Variants in CDC73 observed in about 807,000 individuals in gnomAD.
CDC73 encodes the protein cell division cycle 73.
CDC73 carries 21 observed loss-of-function variants against 83.7 expected under a neutral mutation model. The observed-to-expected ratio is 0.25, with a 90% confidence interval of 0.18 to 0.36. The LOEUF is 0.36. CDC73 is among the 10% of genes least tolerant of loss of function. The probability of loss-of-function intolerance (pLI) is 1.00; values close to 1 mark genes in which losing one functional copy is unlikely to be tolerated. For missense variants in CDC73, 342 were observed against 653.3 expected, an observed-to-expected ratio of 0.52 and a Z score of 5.19; for synonymous variants, 224 against 212.9, an observed-to-expected ratio of 1.05 and a Z score of -0.45.
chr1:193,173,760 A>G (rs986005835), intron 10 of CDC73, among the ~76,000 whole-genome samples: 3 of 152,142 alleles, frequency 2.0e-5, no homozygotes, highest in Non-Finnish European at 2.9e-5. Flanking sequence ...GATAAAACCA[A>G]TTGTATTTAA....
chr1:193,162,326 C>T lies in CDC73; in HGVS notation c.972+9882C>T, dbSNP rs542802847. Among the ~76,000 whole-genome samples the T allele has an allele frequency of 2.3e-5, 3 of 129,402 alleles. 1 individual carries two copies. The highest frequency in any genetic ancestry group is 4.6e-4 in the South Asian group (2 of 4,328). The allele number at this position is 129,402 out of a possible 152,430, so 84.9% of individuals were successfully genotyped here. Reference sequence around the variant, plus strand: ...TACTATATATTATATATCATATATACTATATACTATATATTATATATACAT... The same window carrying T: ...TACTATATATTATATATCATATATATTATATACTATATATTATATATACAT... On this transcript the variant is annotated intron_variant, in intron 10 of 16. Coordinates refer to ENST00000367435, the MANE Select transcript of CDC73 (RefSeq NM_024529.5).
chr1:193,208,141 T>C (rs2103181869), intron 11 of CDC73, among the ~76,000 whole-genome samples: 1 of 152,340 alleles, frequency 6.6e-6, no homozygotes, highest in South Asian at 2.1e-4. Flanking sequence ...ACTTGGAAGT[T>C]ATTCTTTATT....
At position 193,251,286 on chromosome 1, in the gene CDC73, T is replaced by G. The variant is rs2102075109; in HGVS notation, c.*574T>G. ...TTGAACTGTTCAGCCTTTTCAAGAT[T>G]TCTTTATTTACAAATGATTACATTT... On this transcript the variant is annotated 3_prime_UTR_variant, in exon 17 of 17. Coordinates refer to ENST00000367435, the MANE Select transcript of CDC73 (RefSeq NM_024529.5). 1 of 232,036 alleles carries G rather than the reference T, an allele frequency of 4.3e-6. No homozygotes were observed. The highest frequency in any genetic ancestry group is 8.5e-6 in the Non-Finnish European group (1 of 116,988). 14.4% of individuals were successfully genotyped at this position (232,036 alleles called of 1,614,324 possible).
intron 10 of CDC73, among the ~76,000 whole-genome samples, chr1:193,162,662 C>T (rs1043863191): frequency 5.3e-5 from 8 of 152,116 alleles, no homozygotes; most frequent in African/African-American, 1.9e-4. Context: ...AGCCACCACA[C>T]CCCGCCAGTT....
Position 193,135,581 on chromosome 1 carries a change from C to T in CDC73, c.415C>T (p.Arg139Ter), listed in dbSNP as rs2103121721. Reference sequence around the variant, plus strand: ...AGTTTTAGCAGAAGCAAAGAAACCACGAATTGAGGTAAAGAAACTGTATTT... The same window carrying T: ...AGTTTTAGCAGAAGCAAAGAAACCATGAATTGAGGTAAAGAAACTGTATTT... ...DEVLAEAKKP[R>*]IEDEECVRLD... The change falls in exon 5 of 17, where the codon CGA (arginine) becomes TGA (stop). Residue 139 changes from arginine (R) to a stop codon, truncating the protein, a stop_gained. Coordinates refer to ENST00000367435, the MANE Select transcript of CDC73 (RefSeq NM_024529.5). LOFTEE classifies it high-confidence loss of function. 1.2e-6 allele frequency: 2 copies of T among 1,608,888 alleles called. No individual in the cohort carries two copies. Among genetic ancestry groups the T allele is most frequent in the Non-Finnish European group, 1.7e-6 (2 of 1,175,548 alleles).
chr1:193,192,278 A>C (rs1253189114), intron 10 of CDC73, among the ~76,000 whole-genome samples: 1 of 152,150 alleles, frequency 6.6e-6, no homozygotes. Context: ...CCCCATCTCT[A>C]CTAAAAATAC....
At chr1:193,142,900 C>CT (rs1252329291) in intron 7 of CDC73, among the ~76,000 whole-genome samples, 2 of 152,096 alleles carry the variant, frequency 1.3e-5, no homozygotes, top group Admixed American at 6.5e-5. Context: ...GATTTATGTA[C>CT]TTTCATTTGT....
chr1:193,123,167 T>G (rs908486896), intron 1 of CDC73, among the ~76,000 whole-genome samples: 1 of 152,196 alleles, frequency 6.6e-6, no homozygotes, highest in Non-Finnish European at 1.5e-5. Flanking sequence ...TTTTGTTTCT[T>G]TGAATGGAAG....
intron 5 of CDC73, among the ~76,000 whole-genome samples, chr1:193,136,276 T>C (rs1223149440): frequency 6.6e-6 from 1 of 152,138 alleles, no homozygotes; most frequent in African/African-American, 2.4e-5. Flanking sequence ...GAATTGGTCT[T>C]TGGGATGTAG....
At chr1:193,167,597 T>G (rs550931712) in intron 10 of CDC73, among the ~76,000 whole-genome samples, 1 of 152,262 alleles carries the variant, frequency 6.6e-6, no homozygotes, top group Non-Finnish European at 1.5e-5. Context: ...TAACCATAGA[T>G]TAACCATTTT....
chr1:193,181,743 T>C (rs10494675), intron 10 of CDC73: 23,173 of 559,820 alleles, frequency 0.041, 523 homozygotes, highest in African/African-American at 0.058. Flanking sequence ...GGTACTAATA[T>C]GATCAGGGCA....
At chr1:193,249,209 A>G (rs1253386660) in intron 15 of CDC73, among the ~76,000 whole-genome samples, 1 of 151,998 alleles carries the variant, frequency 6.6e-6, no homozygotes, top group East Asian at 1.9e-4. Context: ...TACACCAGCA[A>G]AAAAAATTAG....
In CDC73 at chr1:193,251,489, A is replaced by G. The variant is rs1460149421; in HGVS notation, c.*777A>G. 1 of 232,026 alleles carries G rather than the reference A, an allele frequency of 4.3e-6. No homozygotes were observed. Among genetic ancestry groups the G allele is most frequent in the East Asian group, 6.1e-5 (1 of 16,382 alleles). The allele number at this position is 232,026 out of a possible 1,614,324, so 14.4% of individuals were successfully genotyped here. A position where few individuals can be genotyped will look rare whatever the true frequency, so the allele number is the denominator to read the frequency against. On this transcript the variant is annotated 3_prime_UTR_variant, in exon 17 of 17. Coordinates refer to ENST00000367435, the MANE Select transcript of CDC73 (RefSeq NM_024529.5). ...ATGATTTGGGGGAAGAATATGTATC[A>G]GCCCTATTGCAGTATAACTTTAAGC... is the stretch of plus-strand genomic sequence containing the variant.
intron 10 of CDC73, among the ~76,000 whole-genome samples, chr1:193,187,647 A>G (rs1676842274): frequency 1.3e-5 from 2 of 152,316 alleles, no homozygotes; most frequent in African/African-American, 2.4e-5. Flanking sequence ...AAAGGTTAAC[A>G]GTTATATACA....
chr1:193,248,650 A>G (rs1275787020), intron 15 of CDC73, among the ~76,000 whole-genome samples: 1 of 152,084 alleles, frequency 6.6e-6, no homozygotes, highest in Non-Finnish European at 1.5e-5. Context: ...TATTAACATA[A>G]CCAGAAGTTT....
chr1:193,184,413 G>A (rs991273898), intron 10 of CDC73, among the ~76,000 whole-genome samples: 2 of 151,856 alleles, frequency 1.3e-5, no homozygotes, highest in African/African-American at 4.8e-5. Context: ...TCAGTAGTAT[G>A]CAAAATAGTT....
intron 10 of CDC73, among the ~76,000 whole-genome samples, chr1:193,155,089 A>C (rs1029119890): frequency 6.6e-6 from 1 of 152,240 alleles, no homozygotes; most frequent in South Asian, 2.1e-4. Flanking sequence ...TGTTATATGC[A>C]AGACTAAATT....
intron 13 of CDC73, among the ~76,000 whole-genome samples, chr1:193,217,654 G>A (rs556786600): frequency 6.6e-6 from 1 of 152,182 alleles, no homozygotes; most frequent in Admixed American, 6.5e-5. Context: ...GGCCACCTGT[G>A]TGTGTGCCCA....
chr1:193,240,195 G>A (rs186964596), intron 15 of CDC73, among the ~76,000 whole-genome samples: 4 of 152,094 alleles, frequency 2.6e-5, no homozygotes, highest in African/African-American at 9.7e-5. Flanking sequence ...CAGATGACAG[G>A]ATTTCATTCT....
Sources: allele counts gnomAD v4.1 joint callset (sites outside exome capture counted in the v4.1 genomes callset), GRCh38; gene constraint gnomAD v4.1.1; transcripts MANE v1.5; gene names NCBI Gene and HGNC (gene_info 2026-07-23, HGNC 2026-07-21).